CELA1: variants seen among roughly 807,000 people sequenced by gnomAD.
The protein encoded by CELA1 is chymotrypsin like elastase 1.
CELA1 carries 28 observed loss-of-function variants against 34.8 expected under a neutral mutation model. The observed-to-expected ratio is 0.80, with a 90% CI of 0.60 to 1.10. CELA1 has a LOEUF of 1.10. Among genes scored for constraint, CELA1 ranks in the 50% least tolerant of loss-of-function variants. The probability of loss-of-function intolerance (pLI) is 0.00; values close to 1 mark genes in which losing one functional copy is unlikely to be tolerated. For synonymous variants in CELA1, 140 were observed against 129.8 expected (o/e 1.08, Z -0.53); for missense variants, 288 against 327.5 (o/e 0.88, Z 0.93).
In CELA1 at chr12:51,329,970, C is replaced by G; in HGVS notation, c.610-137G>C. The G allele has an allele frequency of 4.4e-6, 3 of 677,680 alleles. No individual in the cohort carries two copies. In the South Asian group the frequency reaches 6.5e-5, roughly 15 times the overall value. The allele number at this position is 677,680 out of a possible 1,614,324, so 42.0% of individuals were successfully genotyped here. ...GCAAATCTCCACCTCCTTCATGTCC[C>G]CACAATCAAAATGAATCTCTTCTTC... On this transcript the variant is annotated intron_variant, in intron 6 of 7. Transcript: ENST00000293636.
At chr12:51,335,938 G>C (rs1371609708) in intron 6 of CELA1, among the ~76,000 whole-genome samples, 2 of 152,042 alleles carry the variant, frequency 1.3e-5, no homozygotes, top group Non-Finnish European at 2.9e-5. Context: ...CACCCGGCTG[G>C]TTATATGTCT....
At chr12:51,345,705 A>G in intron 2 of CELA1, 90 bp downstream of exon 2, 1 of 923,738 alleles carries the variant, frequency 1.1e-6, no homozygotes, top group Non-Finnish European at 1.7e-6. Flanking sequence ...CTGCTTGTTG[A>G]TAGGGACATG....
intron 4 of CELA1, 97 bp from the exon 5 acceptor site, chr12:51,341,477 A>G: frequency 2.1e-6 from 3 of 1,402,830 alleles, no homozygotes; most frequent in East Asian, 4.6e-5. Flanking sequence ...TCCCCGTGGA[A>G]TTGGAAAGTG....
At position 51,328,454 on chromosome 12, in the gene CELA1, A is replaced by T; in HGVS notation, c.*123T>A. On this transcript the variant is annotated 3_prime_UTR_variant, in exon 8 of 8. Coordinates refer to ENST00000293636, the MANE Select transcript of CELA1 (RefSeq NM_001971.6). ...AGACACAGTATGATAATGTATATCT[A>T]GTTTTATTTGCTTTTCTATCAATGG... 1.0e-6 allele frequency: 1 copy of T among 962,326 alleles called. No individual in the cohort carries two copies. Among genetic ancestry groups the T allele is most frequent in the Non-Finnish European group, 1.7e-6 (1 of 603,344 alleles). 59.6% of individuals were successfully genotyped at this position (962,326 alleles called of 1,614,324 possible).
chr12:51,343,456 C>T (rs1362177884), intron 3 of CELA1, among the ~76,000 whole-genome samples: 1 of 152,198 alleles, frequency 6.6e-6, no homozygotes, highest in East Asian at 1.9e-4. Flanking sequence ...TTACTCAATC[C>T]TCACAACATT....
chr12:51,333,549 C>T (rs566470186), intron 6 of CELA1, among the ~76,000 whole-genome samples: 2 of 151,998 alleles, frequency 1.3e-5, no homozygotes, highest in Non-Finnish European at 2.9e-5. Flanking sequence ...TGCGCCACCT[C>T]GCCCGGCTAA....
At chr12:51,345,505 C>T (rs952518649) in intron 2 of CELA1, among the ~76,000 whole-genome samples, 3 of 152,218 alleles carry the variant, frequency 2.0e-5, no homozygotes, top group African/African-American at 7.2e-5. Context: ...GACTGTCTGG[C>T]ACCCAGTCTT....
rs551268679 is a variant in CELA1 at position 51,345,777 on chromosome 12, C to T, written c.99+18G>A. The T allele has an allele frequency of 8.0e-5, 123 of 1,539,250 alleles. 1 individual carries two copies. In the South Asian group the frequency reaches 1.4e-3, roughly 18 times the overall value. On this transcript the variant is annotated intron_variant, in intron 2 of 7. Coordinates refer to ENST00000293636, the MANE Select transcript of CELA1 (RefSeq NM_001971.6). The stretch of plus-strand genomic sequence containing the variant: ...CTCTTATTTGGGTGGAAGTCTGGGG[C>T]TGGGAAGGAACACCCACCTGAGAGG...
At position 51,339,955 on chromosome 12, in the gene CELA1, C is replaced by T. The variant is rs772060366; in HGVS notation, c.514G>A (p.Asp172Asn). ...TLQQAYLPSV[D>N]YAICSSSSYW... ...GAGGAGCTGGAGCAGATGGCGTAGTCCACAGAGGGCAGGTAAGCCTGCTGC... is the reference window on the plus strand; with the variant it reads ...GAGGAGCTGGAGCAGATGGCGTAGTTCACAGAGGGCAGGTAAGCCTGCTGC... The change falls in exon 6 of 8, where the codon GAC (aspartate) becomes AAC (asparagine). Residue 172 changes from aspartate (D) to asparagine (N), a missense_variant. Asp to Asn is a conservative substitution (Grantham distance 23). Coordinates refer to ENST00000293636, the MANE Select transcript of CELA1 (RefSeq NM_001971.6). 1.2e-6 allele frequency: 2 copies of T among 1,614,106 alleles called. No individual in the cohort carries two copies. Among genetic ancestry groups the T allele is most frequent in the Non-Finnish European group, 1.7e-6 (2 of 1,179,990 alleles).
intron 6 of CELA1, among the ~76,000 whole-genome samples, chr12:51,333,394 GTTTTTTTTTTGT>G (rs1946482474): frequency 9.3e-6 from 1 of 107,002 alleles, no homozygotes; most frequent in African/African-American, 3.1e-5. Context: ...GAGCCCGACT[GTTTTTTTTTTGT>G]TTTTTTTTTT....
rs368331044 is a variant in CELA1 at position 51,346,219 on chromosome 12, C to A, written c.17-342G>T. On this transcript the variant is annotated intron_variant, in intron 1 of 7. Transcript: ENST00000293636. Reference sequence around the variant, plus strand: ...ACCCCCCCCCACTCTTTGACCCCCACCAGCCCCCTAATGCTTTGGCAAGAT... The same window carrying A: ...ACCCCCCCCCACTCTTTGACCCCCAACAGCCCCCTAATGCTTTGGCAAGAT... Among the ~76,000 whole-genome samples the A allele has an allele frequency of 1.3e-4, 19 of 145,728 alleles. No individual in the cohort carries two copies. The South Asian group carries it at 3.6e-3, about 27-fold the overall frequency.
At chr12:51,336,328 TCC>T (rs1057437290) in intron 6 of CELA1, among the ~76,000 whole-genome samples, 4 of 152,116 alleles carry the variant, frequency 2.6e-5, no homozygotes, top group Non-Finnish European at 5.9e-5. Flanking sequence ...GCCCAGCTCT[TCC>T]CCCAGGCCCC....
intron 1 of CELA1, among the ~76,000 whole-genome samples, chr12:51,346,401 G>A (rs1404992595): frequency 1.3e-5 from 2 of 152,114 alleles, no homozygotes; most frequent in African/African-American, 4.8e-5. Context: ...ACCCAGAGGG[G>A]CCTGAATAGC....
chr12:51,331,594 A>C (rs997694305), intron 6 of CELA1, among the ~76,000 whole-genome samples: 2 of 152,154 alleles, frequency 1.3e-5, no homozygotes, highest in African/African-American at 4.8e-5. Flanking sequence ...GGAGGCAAAC[A>C]TGTGAATAAC....
chr12:51,331,656 T>A (rs1946470401), intron 6 of CELA1, among the ~76,000 whole-genome samples: 1 of 152,092 alleles, frequency 6.6e-6, no homozygotes, highest in African/African-American at 2.4e-5. Flanking sequence ...AATCAACAAA[T>A]AAACAACATT....
chr12:51,329,693 C>T lies in CELA1; in HGVS notation c.750G>A (p.Trp250Ter). Residue 250 changes from tryptophan (W) to a stop codon, truncating the protein, a stop_gained, in exon 7 of 8, where the codon TGG becomes TGA. Transcript: ENST00000293636. LOFTEE classifies it high-confidence loss of function. The stretch of plus-strand genomic sequence containing the variant: ...ATTTGAGAGGACTCACATTATTTAT[C>T]CAGGAGATGTAAGCAGAGACCTGGG... ...VFTQVSAYIS[W>*]INNVIASN 1 of 1,610,614 alleles carries T rather than the reference C, an allele frequency of 6.2e-7. No individual in the cohort carries two copies. Among genetic ancestry groups the T allele is most frequent in the Non-Finnish European group, 8.5e-7 (1 of 1,178,688 alleles).
intron 6 of CELA1, among the ~76,000 whole-genome samples, chr12:51,339,615 G>A (rs1329799890): frequency 2.0e-5 from 3 of 152,176 alleles, no homozygotes; most frequent in Non-Finnish European, 4.4e-5. Context: ...ACATATAAAT[G>A]TTGGGCCACG....
chr12:51,341,239 C>A lies in CELA1; in HGVS notation c.463+5G>T. ...TGGTGGATTGTGCCAATGTAGGCAA[C>A]TTACTCTTGGTCTTGCCCCAGCCTG... On this transcript the variant is annotated splice_donor_5th_base_variant and intron_variant, in intron 5 of 7. Transcript: ENST00000293636. 1 of 1,614,024 alleles carries A rather than the reference C, an allele frequency of 6.2e-7. No homozygotes were observed. Among genetic ancestry groups the A allele is most frequent in the South Asian group, 1.1e-5 (1 of 91,084 alleles).
chr12:51,339,927 TAGG>T lies in CELA1; in HGVS notation c.539_541del (p.Ser180del), dbSNP rs1296338435. On this transcript the variant is annotated inframe_deletion, in exon 6 of 8. Transcript: ENST00000293636. ...GGTGTTCTTCACAGTGGAGCCCCAG[TAGG>T]AGGAGCTGGAGCAGATGGCGTAGTC... 6.2e-7 allele frequency: 1 copy of T among 1,614,006 alleles called. No individual in the cohort carries two copies. Among genetic ancestry groups the T allele is most frequent in the East Asian group, 2.2e-5 (1 of 44,882 alleles).
Sources: gnomAD v4.1 joint callset for allele counts (sites outside exome capture counted in the v4.1 genomes callset) on GRCh38, gnomAD v4.1.1 for gene constraint, MANE v1.5 for transcripts, NCBI Gene and HGNC (gene_info 2026-07-23, HGNC 2026-07-21) for gene names.